Variants in FLRT2 observed in about 807,000 individuals in gnomAD.
FLRT2 encodes the protein fibronectin leucine rich transmembrane protein 2, also known as leucine-rich repeat transmembrane protein FLRT2.
In FLRT2, 15 loss-of-function variants were observed where a neutral mutation model predicts 40.0. The observed-to-expected ratio is 0.38, with a 90% confidence interval of 0.25 to 0.58. The LOEUF (loss-of-function observed/expected upper bound fraction) is 0.58, where lower values mean the gene tolerates loss of function less well. FLRT2 is among the 20% of genes least tolerant of loss of function. The pLI is 0.71. For missense variants in FLRT2, 726 were observed against 840.0 expected, an observed-to-expected ratio of 0.86 and a Z score of 1.68; for synonymous variants, 380 against 336.8, an observed-to-expected ratio of 1.13 and a Z score of -1.41.
chr14:85,628,605 C>G lies in FLRT2; in HGVS notation c.*5108C>G, dbSNP rs1314762269. The G allele has an allele frequency of 1.3e-5, 2 of 152,186 alleles. No homozygotes were observed. The highest frequency in any genetic ancestry group is 2.9e-5 in the Non-Finnish European group (2 of 68,044). 9.4% of individuals were successfully genotyped at this position (152,186 alleles called of 1,614,324 possible). ...AGTCTCATATGATTTTTCAGAACCC[C>G]TTTTGCTAACCCCTCTTGGCCATTT... On this transcript the variant is annotated 3_prime_UTR_variant, in exon 2 of 2. Transcript: ENST00000330753.
At chr14:85,542,680 A>G (rs1272534221) in intron 1 of FLRT2, among the ~76,000 whole-genome samples, 1 of 152,200 alleles carries the variant, frequency 6.6e-6, no homozygotes, top group Non-Finnish European at 1.5e-5. Flanking sequence ...AAATGGTTTT[A>G]AAAAGTAGTT....
At chr14:85,617,080 A>G (rs953149639) in intron 1 of FLRT2, among the ~76,000 whole-genome samples, 1 of 152,060 alleles carries the variant, frequency 6.6e-6, no homozygotes, top group African/African-American at 2.4e-5. Context: ...TCCAGGGGAC[A>G]TATATATGGC....
intron 1 of FLRT2, among the ~76,000 whole-genome samples, chr14:85,531,595 C>T (rs1888282081): frequency 6.6e-6 from 1 of 152,138 alleles, no homozygotes; most frequent in African/African-American, 2.4e-5. Flanking sequence ...TGTGGTGCTC[C>T]TGCCAGCGGC....
chr14:85,530,789 A>G (rs1888226145), intron 1 of FLRT2, among the ~76,000 whole-genome samples: 1 of 152,124 alleles, frequency 6.6e-6, no homozygotes, highest in African/African-American at 2.4e-5. Flanking sequence ...GTTCTGGGTC[A>G]AAACGCAAAT....
chr14:85,591,986 ACAGT>A (rs1219358202), intron 1 of FLRT2, among the ~76,000 whole-genome samples: 4 of 152,234 alleles, frequency 2.6e-5, no homozygotes, highest in Non-Finnish European at 5.9e-5. Context: ...AAACACATAA[ACAGT>A]CAAGAAATGA....
rs1894054255 is a variant in FLRT2, at chr14:85,638,128, C to G, written c.*14631C>G. 6.6e-6 allele frequency: 1 copy of G among 152,156 alleles called. No homozygotes were observed. The highest frequency in any genetic ancestry group is 6.5e-5 in the Admixed American group (1 of 15,270). 9.4% of individuals were successfully genotyped at this position (152,156 alleles called of 1,614,324 possible). A position where few individuals can be genotyped will look rare whatever the true frequency, so the allele number is the denominator to read the frequency against. ...CGGTAGAGAATGGGATAAAGGACAACTGAGTGTGGATAGAGAAAGGAGAAA... is the reference window on the plus strand; with the variant it reads ...CGGTAGAGAATGGGATAAAGGACAAGTGAGTGTGGATAGAGAAAGGAGAAA... On this transcript the variant is annotated 3_prime_UTR_variant, in exon 2 of 2. Transcript: ENST00000330753.
rs1894276403 is a variant in FLRT2, at chr14:85,645,515, T to C, written c.*22018T>C. ...TTGAATGGTACATCTATTTGTTCAC[T>C]CTGCTTGGAAACAAAGGTTTCACTA... On this transcript the variant is annotated 3_prime_UTR_variant, in exon 2 of 2. Transcript: ENST00000330753. The C allele has an allele frequency of 6.6e-6, 1 of 152,152 alleles. No individual in the cohort carries two copies. Among genetic ancestry groups the C allele is most frequent in the Admixed American group, 6.5e-5 (1 of 15,270 alleles). 9.4% of individuals were successfully genotyped at this position (152,152 alleles called of 1,614,324 possible).
chr14:85,552,174 C>T (rs139043922), intron 1 of FLRT2, among the ~76,000 whole-genome samples: 2 of 152,146 alleles, frequency 1.3e-5, no homozygotes, highest in Non-Finnish European at 2.9e-5. Context: ...CAAGGCCGGG[C>T]AGTTCTAGTA....
intron 1 of FLRT2, among the ~76,000 whole-genome samples, chr14:85,597,877 G>A (rs1192818623): frequency 6.6e-6 from 1 of 152,234 alleles, no homozygotes; most frequent in Non-Finnish European, 1.5e-5. Context: ...ACTGATAGAT[G>A]TTCCAGCTGA....
intron 1 of FLRT2, among the ~76,000 whole-genome samples, chr14:85,609,833 A>C (rs1892782350): frequency 6.6e-6 from 1 of 152,150 alleles, no homozygotes; most frequent in African/African-American, 2.4e-5. Context: ...TGCACTAGTA[A>C]CTTTTTTATT....
chr14:85,540,350 A>AC (rs1888913078), intron 1 of FLRT2, among the ~76,000 whole-genome samples: 1 of 152,254 alleles, frequency 6.6e-6, no homozygotes, highest in South Asian at 2.1e-4. Flanking sequence ...AGTGTCATTA[A>AC]ACCCTGTGGA....
At chr14:85,609,825 C>A (rs1238432525) in intron 1 of FLRT2, among the ~76,000 whole-genome samples, 1 of 152,190 alleles carries the variant, frequency 6.6e-6, no homozygotes, top group Non-Finnish European at 1.5e-5. Flanking sequence ...AACTCTATTG[C>A]ACTAGTAACT....
Position 85,604,990 on chromosome 14 carries a change from A to G in FLRT2, c.-376-16149A>G, listed in dbSNP as rs537751318. On this transcript the variant is annotated intron_variant, in intron 1 of 1. Transcript: ENST00000330753. The stretch of plus-strand genomic sequence containing the variant: ...CACAGGTCACAGAGAAGATGCCAGT[A>G]AGAATTCATAGCCCTTTTGGGGCCT... Among the ~76,000 whole-genome samples, 166 of 152,318 alleles carry G rather than the reference A, an allele frequency of 1.1e-3. 2 individuals are homozygous for G. In the South Asian group the frequency reaches 0.012, roughly 11 times the overall value.
chr14:85,636,557 T>C lies in FLRT2; in HGVS notation c.*13060T>C, dbSNP rs1384602671. The stretch of plus-strand genomic sequence containing the variant: ...GGAAATCTGTTTTAAAAAGCCAGTA[T>C]AAACTGAAAAGTAAGCAACAAAACA... On this transcript the variant is annotated 3_prime_UTR_variant, in exon 2 of 2. Coordinates refer to ENST00000330753, the MANE Select transcript of FLRT2 (RefSeq NM_013231.6). The C allele has an allele frequency of 6.6e-6, 1 of 151,988 alleles. No individual in the cohort carries two copies. Among genetic ancestry groups the C allele is most frequent in the Non-Finnish European group, 1.5e-5 (1 of 67,998 alleles). 9.4% of individuals were successfully genotyped at this position (151,988 alleles called of 1,614,324 possible). A position where few individuals can be genotyped will look rare whatever the true frequency, so the allele number is the denominator to read the frequency against.
rs12880031 is a variant in FLRT2, at chr14:85,639,850, C to A, written c.*16353C>A. The A allele has an allele frequency of 3.7e-4, 20 of 53,958 alleles. No individual in the cohort carries two copies. The highest frequency in any genetic ancestry group is 7.4e-4 in the Non-Finnish European group (20 of 26,992). 3.3% of individuals were successfully genotyped at this position (53,958 alleles called of 1,614,324 possible). ...AGAAATTCTTTATTTTTTTTTTTTTCCTTTTTTTTTTTTTTTGAGACAGTG... is the reference window on the plus strand; with the variant it reads ...AGAAATTCTTTATTTTTTTTTTTTTACTTTTTTTTTTTTTTTGAGACAGTG... On this transcript the variant is annotated 3_prime_UTR_variant, in exon 2 of 2. Transcript: ENST00000330753.
At chr14:85,592,801 A>AAG (rs1891956962) in intron 1 of FLRT2, among the ~76,000 whole-genome samples, 1 of 79,332 alleles carries the variant, frequency 1.3e-5, no homozygotes, top group Admixed American at 1.4e-4. Context: ...AAAAAAAAAA[A>AAG]AAAAAAGAAA....
At chr14:85,594,497 T>C (rs1271851571) in intron 1 of FLRT2, among the ~76,000 whole-genome samples, 1 of 152,136 alleles carries the variant, frequency 6.6e-6, no homozygotes, top group African/African-American at 2.4e-5. Context: ...ACTGTGACTA[T>C]TTAAACCTTG....
At chr14:85,562,096 T>A (rs1890366435) in intron 1 of FLRT2, among the ~76,000 whole-genome samples, 1 of 152,214 alleles carries the variant, frequency 6.6e-6, no homozygotes. Flanking sequence ...CAATGCTTAG[T>A]GTTAGTTTTC....
rs973038703 is a variant in FLRT2 at position 85,648,407 on chromosome 14, A to G, written c.*24910A>G. 3.9e-5 allele frequency: 6 copies of G among 152,198 alleles called. No individual in the cohort carries two copies. Among genetic ancestry groups the G allele is most frequent in the Non-Finnish European group, 8.8e-5 (6 of 68,016 alleles). The allele number at this position is 152,198 out of a possible 1,614,324, so 9.4% of individuals were successfully genotyped here. A position where few individuals can be genotyped will look rare whatever the true frequency, so the allele number is the denominator to read the frequency against. The stretch of plus-strand genomic sequence containing the variant: ...CGAGGTTTCACCATTAAATATACTT[A>G]TACATTTGGAAAGGCAAAAATGAGG... On this transcript the variant is annotated 3_prime_UTR_variant, in exon 2 of 2. Coordinates refer to ENST00000330753, the MANE Select transcript of FLRT2 (RefSeq NM_013231.6).
Sources: allele counts gnomAD v4.1 joint callset (sites outside exome capture counted in the v4.1 genomes callset), GRCh38; gene constraint gnomAD v4.1.1; transcripts MANE v1.5; gene names NCBI Gene and HGNC (gene_info 2026-07-23, HGNC 2026-07-21).